Variants in MYRFL observed in about 807,000 individuals in gnomAD.
The protein encoded by MYRFL is myelin regulatory factor-like protein.
In MYRFL, 88 loss-of-function variants were observed where a neutral mutation model predicts 109.4. That is an observed-to-expected ratio of 0.80 (90% CI 0.68 to 0.96). The LOEUF is 0.96. Among genes scored for constraint, MYRFL ranks in the 40% least tolerant of loss-of-function variants. The pLI, the probability that MYRFL is intolerant of heterozygous loss-of-function variation, is 0.00. For missense variants in MYRFL, 957 were observed against 954.9 expected (o/e 1.00, Z -0.03); for synonymous variants, 324 against 320.9 (o/e 1.01, Z -0.10).
At chr12:69,929,701 T>C (rs1383162359) in intron 15 of MYRFL, among the ~76,000 whole-genome samples, 1 of 152,216 alleles carries the variant, frequency 6.6e-6, no homozygotes, top group East Asian at 1.9e-4. Context: ...CATAGCACTG[T>C]GGTTAAGAGC....
At chr12:69,943,075 A>C (rs1471867157) in intron 19 of MYRFL, among the ~76,000 whole-genome samples, 3 of 151,566 alleles carry the variant, frequency 2.0e-5, no homozygotes, top group Non-Finnish European at 4.4e-5. Context: ...CATGGATAGG[A>C]AGAATCAATA....
At chr12:69,926,846 T>C (rs1955101248) in intron 14 of MYRFL, 112 bp downstream of exon 14, 1 of 987,544 alleles carries the variant, frequency 1.0e-6, no homozygotes, top group African/African-American at 1.7e-5. Flanking sequence ...CGCTACTTTC[T>C]GATAATGAAG....
chr12:69,910,935 T>C lies in MYRFL; in HGVS notation c.1602+5T>C. ...AACTTCCTCATGGTGGATAAGGTAA[T>C]CACTGAAAAGATATCAGCTGCTATA... On this transcript the variant is annotated splice_donor_5th_base_variant and intron_variant, in intron 13 of 24. Coordinates refer to ENST00000552032, the MANE Select transcript of MYRFL (RefSeq NM_182530.3). 1 of 1,527,230 alleles carries C rather than the reference T, an allele frequency of 6.5e-7. No individual in the cohort carries two copies. Among genetic ancestry groups the C allele is most frequent in the South Asian group, 1.2e-5 (1 of 83,820 alleles). The allele number at this position is 1,527,230 out of a possible 1,614,324, so 94.6% of individuals were successfully genotyped here.
intron 16 of MYRFL, 62 bp from the exon 17 acceptor site, chr12:69,936,051 T>C (rs1955444589): frequency 2.0e-6 from 3 of 1,497,014 alleles, no homozygotes; most frequent in Non-Finnish European, 2.7e-6. Context: ...GTGTGAGATA[T>C]ATCTGGAAAC....
At chr12:69,874,045 A>G (rs1014815106) in intron 2 of MYRFL, among the ~76,000 whole-genome samples, 3 of 152,226 alleles carry the variant, frequency 2.0e-5, no homozygotes, top group Admixed American at 6.5e-5. Context: ...ACCATCAACA[A>G]TGTAGTTCCA....
chr12:69,862,547 G>A (rs1056054497), intron 2 of MYRFL, among the ~76,000 whole-genome samples: 3 of 149,682 alleles, frequency 2.0e-5, no homozygotes, highest in African/African-American at 7.3e-5. Context: ...TTGGCTCTCC[G>A]TTTGTCTGTT....
chr12:69,900,134 G>A (rs924659735), intron 10 of MYRFL, among the ~76,000 whole-genome samples: 1 of 152,150 alleles, frequency 6.6e-6, no homozygotes, highest in African/African-American at 2.4e-5. Context: ...CAGAAGAATA[G>A]AAATGGTCAT....
intron 12 of MYRFL, among the ~76,000 whole-genome samples, chr12:69,910,570 C>T (rs895437821): frequency 4.6e-5 from 7 of 150,588 alleles, no homozygotes; most frequent in African/African-American, 1.7e-4. Flanking sequence ...GCCAACGCCC[C>T]ATCTTTACTT....
At chr12:69,953,026 A>G in intron 21 of MYRFL, 140 bp downstream of exon 21, 1 of 595,898 alleles carries the variant, frequency 1.7e-6, no homozygotes, top group East Asian at 3.0e-5. Flanking sequence ...AAACATCTTT[A>G]TTACATGGTG....
intron 1 of MYRFL, among the ~76,000 whole-genome samples, chr12:69,845,248 T>A (rs1883459977): frequency 6.6e-6 from 1 of 152,196 alleles, no homozygotes; most frequent in Non-Finnish European, 1.5e-5. Context: ...TCCCTTAGAA[T>A]GCAAGCCCTC....
At chr12:69,917,026 C>G (rs765396045) in intron 13 of MYRFL, among the ~76,000 whole-genome samples, 34 of 152,162 alleles carry the variant, frequency 2.2e-4, no homozygotes, top group Non-Finnish European at 2.2e-4. Flanking sequence ...CCCTCCCTCT[C>G]TCTGTTCCTC....
At position 69,901,245 on chromosome 12, in the gene MYRFL, T is replaced by C. The variant is rs116641516; in HGVS notation, c.1183-2399T>C. ...GGTGTTTGATATCCATCAGCCACTA[T>C]TGGGTCACATGTGAATACAAACTCA... On this transcript the variant is annotated intron_variant, in intron 10 of 24. Coordinates refer to ENST00000552032, the MANE Select transcript of MYRFL (RefSeq NM_182530.3). Among the ~76,000 whole-genome samples, 533 of 152,360 alleles carry C rather than the reference T, an allele frequency of 3.5e-3. 4 individuals carry two copies. Among genetic ancestry groups the C allele is most frequent in the Middle Eastern group, 0.014 (4 of 294 alleles).
chr12:69,880,951 G>GTTT lies in MYRFL; in HGVS notation c.556+675_556+677dup, dbSNP rs71094746. Among the ~76,000 whole-genome samples, 54 of 112,626 alleles carry GTTT rather than the reference G, an allele frequency of 4.8e-4. 2 individuals carry two copies. The highest frequency in any genetic ancestry group is 6.1e-4 in the Non-Finnish European group (34 of 55,762). The allele number at this position is 112,626 out of a possible 152,430, so 73.9% of individuals were successfully genotyped here. A position where few individuals can be genotyped will look rare whatever the true frequency, so the allele number is the denominator to read the frequency against. Reference sequence around the variant, plus strand: ...TAATGTCCAAGCGGTCAGCCTTCCTGTTTTTTTTTTTTTTTTTTGTCTTAT... The same window carrying GTTT: ...TAATGTCCAAGCGGTCAGCCTTCCTGTTTTTTTTTTTTTTTTTTTTTGTCTTAT... On this transcript the variant is annotated intron_variant, in intron 5 of 24. Transcript: ENST00000552032.
chr12:69,943,816 T>C lies in MYRFL; in HGVS notation c.2224+7184T>C, dbSNP rs1220471291. Among the ~76,000 whole-genome samples the C allele has an allele frequency of 2.0e-5, 3 of 151,442 alleles. No individual in the cohort carries two copies. The East Asian group carries it at 5.9e-4, about 30-fold the overall frequency. ...AAGGGCTAATATCCAGAATCTACAA[T>C]GAACTCAAACACATTTACAAGAAAA... On this transcript the variant is annotated intron_variant, in intron 19 of 24. Transcript: ENST00000552032.
intron 9 of MYRFL, among the ~76,000 whole-genome samples, chr12:69,896,941 T>G (rs1954014843): frequency 6.6e-6 from 1 of 152,194 alleles, no homozygotes; most frequent in South Asian, 2.1e-4. Context: ...TACCACCAAC[T>G]GGGCAAAGAG....
At chr12:69,913,316 GT>G (rs1954632133) in intron 13 of MYRFL, among the ~76,000 whole-genome samples, 1 of 152,110 alleles carries the variant, frequency 6.6e-6, no homozygotes. Flanking sequence ...ATGATATCCA[GT>G]TTATCTATTT....
At chr12:69,953,077 A>G (rs1314814960) in intron 21 of MYRFL, among the ~76,000 whole-genome samples, 191 bp downstream of exon 21, 2 of 152,204 alleles carry the variant, frequency 1.3e-5, no homozygotes, top group South Asian at 2.1e-4. Flanking sequence ...GCAAATGTCA[A>G]TAAGCCACGG....
At chr12:69,840,239 C>T (rs766545916) in intron 1 of MYRFL, among the ~76,000 whole-genome samples, 2 of 152,136 alleles carry the variant, frequency 1.3e-5, no homozygotes, top group African/African-American at 2.4e-5. Context: ...TCCAGTTTGC[C>T]TTCTCTATAT....
At chr12:69,885,219 C>A (rs972017615) in intron 5 of MYRFL, among the ~76,000 whole-genome samples, 1 of 151,992 alleles carries the variant, frequency 6.6e-6, no homozygotes, top group African/African-American at 2.4e-5. Context: ...AAAAGTTTTT[C>A]AGTGTTTTGA....
Sources: gnomAD v4.1 joint callset for allele counts (sites outside exome capture counted in the v4.1 genomes callset) on GRCh38, gnomAD v4.1.1 for gene constraint, MANE v1.5 for transcripts, NCBI Gene and HGNC (gene_info 2026-07-23, HGNC 2026-07-21) for gene names.